The following HHIPL1 variants were observed in gnomAD, a reference collection of about 807,000 sequenced individuals.
The protein encoded by HHIPL1 is HHIP like 1, also known as HHIP-like protein 1.
A neutral mutation model predicts 61.8 loss-of-function variants in HHIPL1; 43 were observed. The observed-to-expected ratio is 0.70, with a 90% CI of 0.55 to 0.90. The LOEUF (loss-of-function observed/expected upper bound fraction) is 0.90, where lower values mean the gene tolerates loss of function less well. Among genes scored for constraint, HHIPL1 ranks in the 40% least tolerant of loss-of-function variants. HHIPL1 has a pLI of 0.00. For missense variants in HHIPL1, 1,056 were observed against 1,157.7 expected, an observed-to-expected ratio of 0.91 and a Z score of 1.28; for synonymous variants, 482 against 515.8, an observed-to-expected ratio of 0.93 and a Z score of 0.89.
the HHIPL1 span, among the ~76,000 whole-genome samples, chr14:99,621,899 C>T: frequency 1.3e-5 from 2 of 151,664 alleles, no homozygotes; most frequent in East Asian, 3.9e-4. Flanking sequence ...GTATTTTTAG[C>T]AGAGACTGGG....
chr14:99,612,396 A>C, the HHIPL1 span, among the ~76,000 whole-genome samples: 1 of 152,198 alleles, frequency 6.6e-6, no homozygotes, highest in Non-Finnish European at 1.5e-5. Context: ...GCCAAATTTC[A>C]TACTGGAGGT....
chr14:99,637,252 GA>G, the HHIPL1 span, among the ~76,000 whole-genome samples: 15 of 144,940 alleles, frequency 1.0e-4, no homozygotes, highest in African/African-American at 3.7e-4. Flanking sequence ...AAGAAAGAAA[GA>G]AAGAAAGAAA....
the HHIPL1 span, among the ~76,000 whole-genome samples, chr14:99,620,601 A>G: frequency 6.6e-6 from 1 of 152,240 alleles, no homozygotes; most frequent in African/African-American, 2.4e-5. Context: ...GTCACCACTC[A>G]GGTGGGGGGC....
chr14:99,661,430 G>GAAGGAAGGAAGGA (rs2056152011), intron 5 of HHIPL1, among the ~76,000 whole-genome samples: 1 of 151,064 alleles, frequency 6.6e-6, no homozygotes, highest in Non-Finnish European at 1.5e-5. Flanking sequence ...AAGAAGGAAG[G>GAAGGAAGGAAGGA]AAGGAAGGAA....
chr14:99,620,696 A>C, the HHIPL1 span, among the ~76,000 whole-genome samples: 4 of 152,228 alleles, frequency 2.6e-5, no homozygotes, highest in African/African-American at 9.6e-5. Flanking sequence ...TTTCCACAGG[A>C]AGGAGGGGTC....
intron 1 of HHIPL1, among the ~76,000 whole-genome samples, chr14:99,648,226 G>T (rs1295943854): frequency 2.0e-5 from 3 of 152,136 alleles, no homozygotes; most frequent in East Asian, 1.9e-4. Context: ...CTCAGGGAAG[G>T]CTTCCTGAAT....
At position 99,657,113 on chromosome 14, in the gene HHIPL1, C is replaced by T; in HGVS notation, c.1016C>T (p.Pro339Leu). 1.9e-6 allele frequency: 3 copies of T among 1,613,158 alleles called. No individual in the cohort carries two copies. The highest frequency in any genetic ancestry group is 2.5e-6 in the Non-Finnish European group (3 of 1,179,710). Residue 339 changes from proline to leucine, a missense_variant, in exon 3 of 9, where the codon CCC becomes CTC. Physicochemically the swap from Pro to Leu is moderately conservative, Grantham distance 98. Transcript: ENST00000330710. ...GGAGATGGCGGGATGGCCGGAGACCCCTTTGGGACATTTGGAAATGCCCAA... is the reference window on the plus strand; with the variant it reads ...GGAGATGGCGGGATGGCCGGAGACCTCTTTGGGACATTTGGAAATGCCCAA... ...FTGDGGMAGD[P>L]FGTFGNAQNK... is the part of the protein sequence containing the mutation.
At chr14:99,667,495 C>T (rs892804846) in intron 6 of HHIPL1, among the ~76,000 whole-genome samples, 1 of 152,138 alleles carries the variant, frequency 6.6e-6, no homozygotes, top group Non-Finnish European at 1.5e-5. Flanking sequence ...GTTACATTTT[C>T]AGCGCAGCTC....
the HHIPL1 span, among the ~76,000 whole-genome samples, chr14:99,630,641 C>T: frequency 6.6e-6 from 1 of 152,196 alleles, no homozygotes; most frequent in Non-Finnish European, 1.5e-5. Flanking sequence ...CGCCGAAGGC[C>T]GCTGCCAGCA....
Position 99,675,283 on chromosome 14 carries a change from G to A in HHIPL1, c.2006G>A (p.Arg669Gln). 1 of 1,269,570 alleles carries A rather than the reference G, an allele frequency of 7.9e-7. No individual in the cohort carries two copies. Among genetic ancestry groups the A allele is most frequent in the Non-Finnish European group, 9.9e-7 (1 of 1,008,406 alleles). 78.6% of individuals were successfully genotyped at this position (1,269,570 alleles called of 1,614,324 possible). ...CTGAACTCGGCGAGCCGGGCGTTCCGGGATGGCGAGGTGCGCCTGGTGCGG... is the reference window on the plus strand; with the variant it reads ...CTGAACTCGGCGAGCCGGGCGTTCCAGGATGGCGAGGTGCGCCTGGTGCGG... ...GRLNSASRAFRDGEVRLVRPA... is the reference protein window; with the variant it reads ...GRLNSASRAFQDGEVRLVRPA... Residue 669 changes from arginine to glutamine, a missense_variant, in exon 9 of 9, where the codon CGG becomes CAG. Coordinates refer to ENST00000330710, the MANE Select transcript of HHIPL1 (RefSeq NM_001127258.3). This position sits in a 1 kb window ranked among gnomAD's most constrained non-coding sequence, Gnocchi z 5.4.
At chr14:99,607,021 CTTTTTTTTTTTTT>C in the HHIPL1 span, among the ~76,000 whole-genome samples, 1 of 68,404 alleles carries the variant, frequency 1.5e-5, no homozygotes, top group East Asian at 5.6e-4. Flanking sequence ...GTGACTTTGC[CTTTTTTTTTTTTT>C]TTTTTTTTTT....
intron 8 of HHIPL1, among the ~76,000 whole-genome samples, chr14:99,674,061 G>A (rs977083674): frequency 5.9e-5 from 9 of 151,878 alleles, no homozygotes; most frequent in African/African-American, 1.2e-4. Flanking sequence ...GACAGGGAGC[G>A]CCTTGCCCAT....
chr14:99,679,286 C>CA lies in HHIPL1; in HGVS notation c.*3661dup, dbSNP rs1419920655. On this transcript the variant is annotated 3_prime_UTR_variant, in exon 9 of 9. Transcript: ENST00000330710. ...CAGCTGGCCGCTGAGGGAGCATTCA[C>CA]ATGTGACTCTGTCCCCAGGGACTCC... 6.6e-6 allele frequency: 1 copy of CA among 152,346 alleles called. No homozygotes were observed. The highest frequency in any genetic ancestry group is 2.4e-5 in the African/African-American group (1 of 41,454). The allele number at this position is 152,346 out of a possible 1,614,324, so 9.4% of individuals were successfully genotyped here. A position where few individuals can be genotyped will look rare whatever the true frequency, so the allele number is the denominator to read the frequency against.
Position 99,661,409 on chromosome 14 carries a change from G to GGA in HHIPL1, c.1502+1003_1502+1004insGA. 2.1e-5 allele frequency among the ~76,000 whole-genome samples: 3 copies of GGA among 145,932 alleles called. No homozygotes were observed. The South Asian group carries it at 6.5e-4, about 32-fold the overall frequency. ...AAAGAAAGAGAGAGAAAGAAAGAGA[G>GGA]AGAGAGAGAAAAGAAGGAAGGAAGG... On this transcript the variant is annotated intron_variant, in intron 5 of 8. Transcript: ENST00000330710.
At chr14:99,663,721 C>T (rs1211247190) in intron 6 of HHIPL1, among the ~76,000 whole-genome samples, 1 of 152,320 alleles carries the variant, frequency 6.6e-6, no homozygotes, top group South Asian at 2.1e-4. Context: ...CCTCTCTGAG[C>T]TCCCGTTTGT....
At chr14:99,644,784 C>T (rs1414592188), upstream of HHIPL1, among the ~76,000 whole-genome samples, 1 of 152,168 alleles carries the variant, frequency 6.6e-6, no homozygotes, top group Non-Finnish European at 1.5e-5. Context: ...TAAAATGTTA[C>T]GTGGGAGCTT....
At chr14:99,627,890 G>T in the HHIPL1 span, among the ~76,000 whole-genome samples, 1 of 152,072 alleles carries the variant, frequency 6.6e-6, no homozygotes, top group Admixed American at 6.5e-5. This position sits in a 1 kb window ranked among gnomAD's most constrained non-coding sequence, Gnocchi z 4.4. Flanking sequence ...GATGGGCTGG[G>T]AGGAGAAGAA....
chr14:99,644,564 C>A (rs2055796273), upstream of HHIPL1, among the ~76,000 whole-genome samples: 1 of 152,040 alleles, frequency 6.6e-6, no homozygotes, highest in African/African-American at 2.4e-5. Flanking sequence ...GCTCCCTATG[C>A]GAGAGTGGAA....
chr14:99,661,966 C>T (rs1206777475), intron 5 of HHIPL1, among the ~76,000 whole-genome samples: 8 of 152,156 alleles, frequency 5.3e-5, no homozygotes, highest in African/African-American at 1.7e-4. Context: ...GCCCCTTCCC[C>T]GGGGACCCAG....
Sources: gnomAD v4.1 joint callset for allele counts (sites outside exome capture counted in the v4.1 genomes callset) on GRCh38, gnomAD v4.1.1 for gene constraint, Gnocchi (gnomAD v3.1) non-coding constraint, MANE v1.5 for transcripts, NCBI Gene and HGNC (gene_info 2026-07-23, HGNC 2026-07-21) for gene names.